The following ERI3 variants were observed in gnomAD, a reference collection of about 807,000 sequenced individuals.
The protein encoded by ERI3 is ERI1 exoribonuclease family member 3, also known as ERI1 exoribonuclease 3.
Under a neutral mutation model 44.4 loss-of-function variants are expected in ERI3, and 18 were observed. The observed-to-expected ratio is 0.41, with a 90% CI of 0.28 to 0.60. The LOEUF is 0.60. Ranked by LOEUF, ERI3 falls within the 20% of genes least tolerant of loss-of-function variation. The pLI is 0.36. For missense variants in ERI3, 294 were observed against 435.5 expected (o/e 0.68, Z 2.89); for synonymous variants, 183 against 164.8 (o/e 1.11, Z -0.84).
intron 2 of ERI3, among the ~76,000 whole-genome samples, chr1:44,344,233 CAATAAATAAATA>C (rs10652551): frequency 0.011 from 1,629 of 142,624 alleles, 35 homozygotes; most frequent in African/African-American, 0.039. Flanking sequence ...GACTCCATCT[CAATAAATAAATA>C]AATAAATAAA....
chr1:44,323,016 A>C (rs529623271), intron 3 of ERI3: 1 of 1,128,270 alleles, frequency 8.9e-7, no homozygotes, highest in African/African-American at 1.6e-5. Flanking sequence ...GTTATTCCTG[A>C]CCCTGACCTT....
intron 7 of ERI3, among the ~76,000 whole-genome samples, chr1:44,273,508 CT>C (rs1373177221): frequency 6.6e-6 from 1 of 152,230 alleles, no homozygotes; most frequent in African/African-American, 2.4e-5. Context: ...GCTCATCAGT[CT>C]AGCCCAAGAT....
rs1167338668 is a variant in ERI3 at position 44,241,091 on chromosome 1, T to C, written c.931+6848A>G. ...GTGAATGCCACTGGAGTGAAGGCTG[T>C]CTGTGCCACTCTAGGGATTGATTCT... On this transcript the variant is annotated intron_variant, in intron 8 of 8. Coordinates refer to ENST00000372257, the MANE Select transcript of ERI3 (RefSeq NM_024066.3). This position sits in a 1 kb window ranked among gnomAD's most constrained non-coding sequence, Gnocchi z 5.6. 1.3e-5 allele frequency among the ~76,000 whole-genome samples: 2 copies of C among 152,132 alleles called. No homozygotes were observed. Among genetic ancestry groups the C allele is most frequent in the East Asian group, 3.9e-4 (2 of 5,192 alleles).
At chr1:44,295,255 T>A (rs547457100) in intron 6 of ERI3, among the ~76,000 whole-genome samples, 1 of 152,132 alleles carries the variant, frequency 6.6e-6, no homozygotes, top group Non-Finnish European at 1.5e-5. Flanking sequence ...CAGATTCACA[T>A]TGGGCTTTAA....
intron 7 of ERI3, among the ~76,000 whole-genome samples, chr1:44,249,038 T>G (rs1175833849): frequency 2.0e-5 from 3 of 152,126 alleles, no homozygotes; most frequent in African/African-American, 7.2e-5. Flanking sequence ...AAGAAGAGAC[T>G]TAACATAGGT....
intron 8 of ERI3, 44 bp downstream of exon 8, chr1:44,247,895 G>A: frequency 2.6e-6 from 4 of 1,530,434 alleles, no homozygotes; most frequent in Non-Finnish European, 3.6e-6. Flanking sequence ...CGCGGGCAAG[G>A]GACGATGGAT....
intron 7 of ERI3, among the ~76,000 whole-genome samples, chr1:44,270,776 G>A (rs1226169193): frequency 6.7e-6 from 1 of 149,474 alleles, no homozygotes; most frequent in Non-Finnish European, 1.5e-5. Flanking sequence ...GGAACCTTGA[G>A]AGAAAGACAG....
chr1:44,307,454 T>C lies in ERI3; in HGVS notation c.758+856A>G, dbSNP rs549087857. On this transcript the variant is annotated intron_variant, in intron 6 of 8. Coordinates refer to ENST00000372257, the MANE Select transcript of ERI3 (RefSeq NM_024066.3). The stretch of plus-strand genomic sequence containing the variant: ...ACACAGAGACACACACACGGAATAC[T>C]TGCTGCTACCTTCAGTCACAATGAA... Among the ~76,000 whole-genome samples the C allele has an allele frequency of 9.9e-5, 15 of 152,168 alleles. No individual in the cohort carries two copies. The South Asian group carries it at 3.1e-3, about 32-fold the overall frequency.
chr1:44,273,648 T>A (rs1478590634), intron 7 of ERI3, among the ~76,000 whole-genome samples: 1 of 152,166 alleles, frequency 6.6e-6, no homozygotes, highest in African/African-American at 2.4e-5. Flanking sequence ...AACAAAAACA[T>A]GTAAGCAGAT....
intron 8 of ERI3, among the ~76,000 whole-genome samples, chr1:44,222,601 C>G (rs546006434): frequency 1.8e-4 from 28 of 152,286 alleles, no homozygotes; most frequent in African/African-American, 5.3e-4. Flanking sequence ...ACCACCACCA[C>G]CAGCAGCAGG....
At chr1:44,246,585 G>A (rs1404456994) in intron 8 of ERI3, among the ~76,000 whole-genome samples, 1 of 152,244 alleles carries the variant, frequency 6.6e-6, no homozygotes, top group Non-Finnish European at 1.5e-5. Context: ...CTCCTGGGGT[G>A]AGATGCCCCC....
At chr1:44,253,534 G>C (rs1644724464) in intron 7 of ERI3, among the ~76,000 whole-genome samples, 1 of 152,112 alleles carries the variant, frequency 6.6e-6, no homozygotes, top group African/African-American at 2.4e-5. Flanking sequence ...CCTGTGATGG[G>C]TTGCAACACT....
intron 7 of ERI3, among the ~76,000 whole-genome samples, chr1:44,266,259 G>GTTAT (rs998114471): frequency 4.6e-5 from 7 of 152,156 alleles, no homozygotes; most frequent in Admixed American, 2.0e-4. Context: ...AAGTCTTGAA[G>GTTAT]GATAAGCAGG....
At chr1:44,253,122 C>T (rs865782095) in intron 7 of ERI3, among the ~76,000 whole-genome samples, 6 of 152,200 alleles carry the variant, frequency 3.9e-5, no homozygotes, top group Non-Finnish European at 7.4e-5. Flanking sequence ...ACAAATACTA[C>T]CTAACTCTCT....
chr1:44,308,458 G>A lies in ERI3; in HGVS notation c.667-57C>T, dbSNP rs1645886929. 4.4e-6 allele frequency: 6 copies of A among 1,359,276 alleles called. 1 individual carries two copies. In the South Asian group the frequency reaches 7.0e-5, roughly 16 times the overall value. The allele number at this position is 1,359,276 out of a possible 1,614,324, so 84.2% of individuals were successfully genotyped here. The stretch of plus-strand genomic sequence containing the variant: ...CCTTTTTTTTCCCTGAGCCTGTGAA[G>A]AGCCACAACAGCAAAACACAGATAA... On this transcript the variant is annotated intron_variant, in intron 5 of 8. Coordinates refer to ENST00000372257, the MANE Select transcript of ERI3 (RefSeq NM_024066.3).
chr1:44,250,811 A>C (rs1192831079), intron 7 of ERI3, among the ~76,000 whole-genome samples: 1 of 152,200 alleles, frequency 6.6e-6, no homozygotes, highest in Non-Finnish European at 1.5e-5. Flanking sequence ...ATTTTTACAA[A>C]TGCTGCTTCC....
At chr1:44,267,438 C>T (rs1163115195) in intron 7 of ERI3, among the ~76,000 whole-genome samples, 1 of 152,136 alleles carries the variant, frequency 6.6e-6, no homozygotes, top group Admixed American at 6.5e-5. Flanking sequence ...GCAGAGCTTC[C>T]CTCAAGCCAT....
Position 44,352,892 on chromosome 1 carries a change from C to T in ERI3, c.169G>A (p.Ala57Thr), listed in dbSNP as rs1398588663. 6 of 1,614,010 alleles carry T rather than the reference C, an allele frequency of 3.7e-6. No individual in the cohort carries two copies. The Admixed American group carries it at 5.0e-5, about 13-fold the overall frequency. ...WGFPALTEPS[A>T]SPAAGLGIFE... ...ATGCCAAGACCGGCAGCTGGGGATGCTGAAGGTTCTGTGAGAGCTGGAAAG... is the reference window on the plus strand; with the variant it reads ...ATGCCAAGACCGGCAGCTGGGGATGTTGAAGGTTCTGTGAGAGCTGGAAAG... The change falls in exon 2 of 9, where the codon GCA becomes ACA. Residue 57 changes from alanine to threonine, a missense_variant. Transcript: ENST00000372257.
In ERI3 at chr1:44,267,321, T is replaced by C. The variant is rs561337577; in HGVS notation, c.831+17514A>G. ...ATCTGCCATTTCCATATCATCCTTC[T>C]GGTTAGGAGAGCCCTCCTGACCACA... On this transcript the variant is annotated intron_variant, in intron 7 of 8. Transcript: ENST00000372257. Among the ~76,000 whole-genome samples, 16 of 152,310 alleles carry C rather than the reference T, an allele frequency of 1.1e-4. No homozygotes were observed. In the South Asian group the frequency reaches 1.5e-3, roughly 14 times the overall value.
Sources: allele counts gnomAD v4.1 joint callset (sites outside exome capture counted in the v4.1 genomes callset), GRCh38; gene constraint gnomAD v4.1.1; non-coding constraint Gnocchi (gnomAD v3.1); transcripts MANE v1.5; gene names NCBI Gene and HGNC (gene_info 2026-07-23, HGNC 2026-07-21).